The following CSMD1 variants were observed in gnomAD, a reference collection of about 807,000 sequenced individuals.
The protein encoded by CSMD1 is CUB and Sushi multiple domains 1, also known as CUB and sushi domain-containing protein 1.
Under a neutral mutation model 417.5 loss-of-function variants are expected in CSMD1, and 213 were observed. The ratio of observed to expected loss-of-function variants is 0.51; its 90% CI spans 0.46 to 0.57. CSMD1 has a LOEUF of 0.57. CSMD1 is among the 20% of genes least tolerant of loss of function. The probability of loss-of-function intolerance (pLI) is 0.00; values close to 1 mark genes in which losing one functional copy is unlikely to be tolerated. For synonymous variants in CSMD1, 2,862 were observed against 1,736.8 expected (o/e 1.65, Z -16.11); for missense variants, 6,923 against 4,529.7 (o/e 1.53, Z -15.17).
chr8:4,294,988 C>T (rs984332878), intron 3 of CSMD1, among the ~76,000 whole-genome samples: 2 of 150,066 alleles, frequency 1.3e-5, no homozygotes, highest in Non-Finnish European at 3.0e-5. Flanking sequence ...GCCAAGTCAC[C>T]TGATCTGAAC....
intron 26 of CSMD1, among the ~76,000 whole-genome samples, chr8:3,276,752 G>A (rs532670791): frequency 6.6e-6 from 1 of 152,266 alleles, no homozygotes; most frequent in South Asian, 2.1e-4. Flanking sequence ...TACAGTAGAT[G>A]AAGAGGTATT....
At chr8:4,351,014 T>C (rs143134877) in intron 3 of CSMD1, among the ~76,000 whole-genome samples, 1 of 152,298 alleles carries the variant, frequency 6.6e-6, no homozygotes, top group Non-Finnish European at 1.5e-5. Flanking sequence ...ATTAAAGTTC[T>C]GTCTTGGCTA....
At chr8:4,983,334 T>G (rs2977729) in intron 1 of CSMD1, among the ~76,000 whole-genome samples, 29,576 of 152,058 alleles carry the variant, frequency 0.19, 3,913 homozygotes, top group African/African-American at 0.38. Context: ...TCACTAAAAA[T>G]AATGGCTGGA....
chr8:4,911,237 G>C (rs1208155242), intron 1 of CSMD1, among the ~76,000 whole-genome samples: 1 of 152,194 alleles, frequency 6.6e-6, no homozygotes, highest in African/African-American at 2.4e-5. Context: ...TGCTCCATCA[G>C]TTTCAAATGA....
intron 2 of CSMD1, among the ~76,000 whole-genome samples, chr8:4,608,155 A>T (rs190882922): frequency 6.6e-6 from 1 of 152,140 alleles, no homozygotes; most frequent in African/African-American, 2.4e-5. Context: ...ATTAGAGGGG[A>T]CCCTAGGAGT....
intron 50 of CSMD1, among the ~76,000 whole-genome samples, chr8:3,051,966 C>A (rs1197584257): frequency 6.6e-6 from 1 of 152,172 alleles, no homozygotes; most frequent in Non-Finnish European, 1.5e-5. Flanking sequence ...CCCCACTTCA[C>A]AAATCAAATT....
intron 3 of CSMD1, among the ~76,000 whole-genome samples, chr8:4,323,181 A>C (rs1162516578): frequency 6.6e-6 from 1 of 152,178 alleles, no homozygotes; most frequent in East Asian, 1.9e-4. Flanking sequence ...TACAATTCTA[A>C]TTTCCAGTTC....
chr8:4,319,082 T>C (rs1019230328), intron 3 of CSMD1, among the ~76,000 whole-genome samples: 1 of 152,172 alleles, frequency 6.6e-6, no homozygotes, highest in African/African-American at 2.4e-5. Flanking sequence ...TTAGTAGTCC[T>C]CACATATACA....
intron 20 of CSMD1, among the ~76,000 whole-genome samples, chr8:3,361,651 C>CAAAAAAAAAAAA (rs765648287): frequency 3.3e-4 from 26 of 79,166 alleles, no homozygotes; most frequent in East Asian, 8.7e-4. Flanking sequence ...GATTCCATCT[C>CAAAAAAAAAAAA]AAAAAAAAAA....
At chr8:3,488,281 G>GT (rs1187995129) in intron 11 of CSMD1, among the ~76,000 whole-genome samples, 3 of 151,622 alleles carry the variant, frequency 2.0e-5, no homozygotes, top group Non-Finnish European at 1.5e-5. Flanking sequence ...TTTTGTCTTT[G>GT]TTTTTTTGTA....
At chr8:4,439,008 T>A (rs954197615) in intron 2 of CSMD1, among the ~76,000 whole-genome samples, 1 of 152,190 alleles carries the variant, frequency 6.6e-6, no homozygotes, top group Non-Finnish European at 1.5e-5. Flanking sequence ...AATTTTCATT[T>A]CAGAACTGAA....
At chr8:3,977,004 C>T (rs867417205) in intron 5 of CSMD1, among the ~76,000 whole-genome samples, 2 of 152,074 alleles carry the variant, frequency 1.3e-5, no homozygotes, top group African/African-American at 4.8e-5. Context: ...TGGGTGGGGG[C>T]GTGAAGGTGC....
intron 26 of CSMD1, among the ~76,000 whole-genome samples, chr8:3,260,707 T>C (rs760825925): frequency 1.3e-5 from 2 of 152,174 alleles, no homozygotes; most frequent in East Asian, 1.9e-4. Flanking sequence ...CAAAACAAAA[T>C]GAGAACCTCG....
At chr8:4,900,675 G>C (rs1362906953) in intron 1 of CSMD1, among the ~76,000 whole-genome samples, 1 of 152,304 alleles carries the variant, frequency 6.6e-6, no homozygotes, top group Non-Finnish European at 1.5e-5. Flanking sequence ...TGTCCAAGGA[G>C]ATTTGCAAAT....
At chr8:4,609,958 C>A (rs1307786385) in intron 2 of CSMD1, among the ~76,000 whole-genome samples, 1 of 152,044 alleles carries the variant, frequency 6.6e-6, no homozygotes, top group East Asian at 1.9e-4. Context: ...TATTAAACTA[C>A]CTAATTGGTA....
chr8:3,882,397 C>A (rs1191041526), intron 5 of CSMD1, among the ~76,000 whole-genome samples: 1 of 152,158 alleles, frequency 6.6e-6, no homozygotes, highest in Non-Finnish European at 1.5e-5. Flanking sequence ...ATTTTAAAAA[C>A]AGGAAACCTG....
intron 10 of CSMD1, among the ~76,000 whole-genome samples, chr8:3,513,914 C>G (rs973387992): frequency 6.6e-6 from 1 of 152,064 alleles, no homozygotes; most frequent in Non-Finnish European, 1.5e-5. Flanking sequence ...TAATTCAGGC[C>G]AGAACATAAG....
In CSMD1 at chr8:3,298,700, C is replaced by A. The variant is rs150613662; in HGVS notation, c.3950+8995G>T. 7.2e-5 allele frequency among the ~76,000 whole-genome samples: 11 copies of A among 152,252 alleles called. No homozygotes were observed. In the South Asian group the frequency reaches 2.3e-3, roughly 32 times the overall value. ...AACTCCTGATCTCAGGTAATCTGCCCGCCTCAGCCTCCCAAAGTGCTAGGA... is the reference window on the plus strand; with the variant it reads ...AACTCCTGATCTCAGGTAATCTGCCAGCCTCAGCCTCCCAAAGTGCTAGGA... On this transcript the variant is annotated intron_variant, in intron 25 of 69. Transcript: ENST00000635120.
At chr8:3,463,174 C>G (rs1359197243) in intron 12 of CSMD1, among the ~76,000 whole-genome samples, 3 of 152,182 alleles carry the variant, frequency 2.0e-5, no homozygotes, top group African/African-American at 4.8e-5. Context: ...AACTGTGCAC[C>G]TGTCGTGACT....
Sources: allele counts gnomAD v4.1 joint callset (sites outside exome capture counted in the v4.1 genomes callset), GRCh38; gene constraint gnomAD v4.1.1; transcripts MANE v1.5; gene names NCBI Gene and HGNC (gene_info 2026-07-23, HGNC 2026-07-21).